TTC21A: variants seen among roughly 807,000 people sequenced by gnomAD.
The protein encoded by TTC21A is tetratricopeptide repeat domain 21A, also known as tetratricopeptide repeat protein 21A.
TTC21A carries 128 observed loss-of-function variants against 156.4 expected under a neutral mutation model. That is an observed-to-expected ratio of 0.82 (90% CI 0.71 to 0.95). The LOEUF (loss-of-function observed/expected upper bound fraction) is 0.95. Ranked by LOEUF, TTC21A falls within the 40% of genes least tolerant of loss-of-function variation. The pLI, the probability that TTC21A is intolerant of heterozygous loss-of-function variation, is 0.00. For missense variants in TTC21A, 1,435 were observed against 1,602.3 expected, an observed-to-expected ratio of 0.90 and a Z score of 1.78; for synonymous variants, 587 against 617.1, an observed-to-expected ratio of 0.95 and a Z score of 0.72.
intron 12 of TTC21A, among the ~76,000 whole-genome samples, chr3:39,127,702 G>A (rs2038383774): frequency 6.6e-6 from 1 of 152,192 alleles, no homozygotes; most frequent in South Asian, 2.1e-4. Context: ...CCCTGAAAGT[G>A]CCAGCCTGTC....
chr3:39,109,885 A>G (rs904522207), intron 2 of TTC21A, 144 bp from the exon 3 acceptor site: 9 of 620,112 alleles, frequency 1.5e-5, no homozygotes, highest in Admixed American at 5.5e-5. Flanking sequence ...AAGAGCCCCA[A>G]TCTTCAGGGA....
chr3:39,128,486 C>T lies in TTC21A; in HGVS notation c.1678C>T (p.Gln560Ter), dbSNP rs751481823. 2.5e-6 allele frequency: 4 copies of T among 1,614,102 alleles called. No individual in the cohort carries two copies. The highest frequency in any genetic ancestry group is 3.4e-6 in the Non-Finnish European group (4 of 1,179,990). ...AGAGCTGGGTGTCAGCCACAACTTC[C>T]AGGTGGGTGCCCTCTCATCCTCTCA... ...CLELGVSHNF[Q>*]VRDHPLYHLI... The change falls in exon 13 of 29, where the codon CAG (glutamine) becomes TAG (stop). Residue 560 changes from glutamine to a stop codon, truncating the protein, a stop_gained and splice_region_variant. Transcript: ENST00000683103. LOFTEE classifies it high-confidence loss of function.
chr3:39,138,454 A>G (rs1164702409), intron 27 of TTC21A, 67 bp downstream of exon 27: 2 of 1,613,332 alleles, frequency 1.2e-6, no homozygotes, highest in African/African-American at 1.3e-5. Context: ...GGCCCCCACC[A>G]TGACCCCAGA....
Position 39,134,848 on chromosome 3 carries a change from A to G in TTC21A, c.2863-245A>G. ...TCTCTACCACTAGTCTTACCTTCCC[A>G]TGTACATCCTCAACCCAACTCTTCT... On this transcript the variant is annotated intron_variant, in intron 21 of 28. Transcript: ENST00000683103. The surrounding 1 kb of genome is among the most constrained non-coding windows in gnomAD (Gnocchi z 4.6). The G allele has an allele frequency of 3.4e-6, 2 of 582,982 alleles. No individual in the cohort carries two copies. Among genetic ancestry groups the G allele is most frequent in the Non-Finnish European group, 6.1e-6 (2 of 326,366 alleles). The allele number at this position is 582,982 out of a possible 1,614,324, so 36.1% of individuals were successfully genotyped here.
rs1405114590 is a variant in TTC21A, at chr3:39,133,207, G to T, written c.2718G>T (p.Lys906Asn). The T allele has an allele frequency of 6.2e-7, 1 of 1,613,920 alleles. No individual in the cohort carries two copies. Among genetic ancestry groups the T allele is most frequent in the Non-Finnish European group, 8.5e-7 (1 of 1,179,900 alleles). ...ATGACAAGGCGGTACAGTCTTATAA[G>T]GATGTCTTCTCCTACTTGCCAACTG... is the stretch of plus-strand genomic sequence containing the variant. The part of the protein sequence containing the change: ...KEYDKAVQSY[K>N]DVFSYLPTDN... Residue 906 changes from lysine to asparagine, a missense_variant, in exon 20 of 29, where the codon AAG (lysine) becomes AAT (asparagine). Transcript: ENST00000683103.
In TTC21A at chr3:39,131,115, A is replaced by C; in HGVS notation, c.2562+20A>C. ...AACAAGGTAATTGACAGGTGGACTCAAGCTCTTTATCTGCCATCTGCTGAT... is the reference window on the plus strand; with the variant it reads ...AACAAGGTAATTGACAGGTGGACTCCAGCTCTTTATCTGCCATCTGCTGAT... On this transcript the variant is annotated intron_variant, in intron 19 of 28. Transcript: ENST00000683103. 1.3e-6 allele frequency: 2 copies of C among 1,588,976 alleles called. No individual in the cohort carries two copies. The highest frequency in any genetic ancestry group is 1.7e-6 in the Non-Finnish European group (2 of 1,168,988).
In TTC21A at chr3:39,130,165, C is replaced by T. The variant is rs2038611912; in HGVS notation, c.2208+14C>T. 17 of 1,613,512 alleles carry T rather than the reference C, an allele frequency of 1.1e-5. No individual in the cohort carries two copies. Among genetic ancestry groups the T allele is most frequent in the Non-Finnish European group, 1.4e-5 (17 of 1,179,730 alleles). On this transcript the variant is annotated intron_variant, in intron 16 of 28. Coordinates refer to ENST00000683103, the MANE Select transcript of TTC21A (RefSeq NM_001366900.1). This position sits in a 1 kb window ranked among gnomAD's most constrained non-coding sequence, Gnocchi z 4.5. ...AGCATTCTGGAGGTAAGTGAGAGGC[C>T]TCACAGCCTTGCCAAGTGGCCCCCC...
At position 39,130,349 on chromosome 3, in the gene TTC21A, G is replaced by A. The variant is rs747607894; in HGVS notation, c.2310G>A (p.Gln770=). The A allele has an allele frequency of 3.1e-6, 5 of 1,612,368 alleles. No individual in the cohort carries two copies. In the South Asian group the frequency reaches 4.4e-5, roughly 14 times the overall value. ...GGCACGCTTATGTGAAGGCCCACCAGTATACTGAGGTCAGGCTGGGCTAGG... is the reference window on the plus strand; with the variant it reads ...GGCACGCTTATGTGAAGGCCCACCAATATACTGAGGTCAGGCTGGGCTAGG... ...RIGHAYVKAH[Q]YTEAIEYYEA... is the part of the protein sequence containing the mutation. Residue 770 remains glutamine (Q), a synonymous_variant, in exon 17 of 29, where the codon CAG becomes CAA. Coordinates refer to ENST00000683103, the MANE Select transcript of TTC21A (RefSeq NM_001366900.1). This position sits in a 1 kb window ranked among gnomAD's most constrained non-coding sequence, Gnocchi z 4.5.
At chr3:39,135,225 C>T (rs367658400) in intron 22 of TTC21A, 51 bp downstream of exon 22, 200 of 1,509,884 alleles carry the variant, frequency 1.3e-4, no homozygotes, top group Admixed American at 1.7e-4. Flanking sequence ...GAGCAAGGGC[C>T]GCTCTCCCAG....
chr3:39,137,911 C>G (rs2039258399), intron 26 of TTC21A: 1 of 640,142 alleles, frequency 1.6e-6, no homozygotes, highest in Non-Finnish European at 2.7e-6. Flanking sequence ...AGGAGGTGCA[C>G]AGGGGTCGTG....
rs2039314352 is a variant in TTC21A, at chr3:39,138,562, A to G, written c.3803A>G (p.Lys1268Arg). The G allele has an allele frequency of 1.9e-6, 3 of 1,614,184 alleles. No homozygotes were observed. The highest frequency in any genetic ancestry group is 1.1e-5 in the South Asian group (1 of 91,082). Reference sequence around the variant, plus strand: ...CTCTCCATGTCCCCGGTAGGCTTCAAACTTGCTTTCAACTACCTGAAGGAC... The same window carrying G: ...CTCTCCATGTCCCCGGTAGGCTTCAGACTTGCTTTCAACTACCTGAAGGAC... ...SHHANPAIGFKLAFNYLKDKK... is the reference protein window; with the variant it reads ...SHHANPAIGFRLAFNYLKDKK... Residue 1268 changes from lysine (K) to arginine (R), a missense_variant, in exon 28 of 29, where the codon AAA becomes AGA. By Grantham distance (26) the Lys-to-Arg change is conservative (BLOSUM62 2). Coordinates refer to ENST00000683103, the MANE Select transcript of TTC21A (RefSeq NM_001366900.1).
chr3:39,108,239 T>C, intron 1 of TTC21A: 1 of 338,524 alleles, frequency 3.0e-6, no homozygotes, highest in East Asian at 5.9e-5. Flanking sequence ...CATCTTCTAA[T>C]CCTGTCTACA....
At chr3:39,138,656 TGTA>T in intron 28 of TTC21A, 33 bp downstream of exon 28, 5 of 1,613,904 alleles carry the variant, frequency 3.1e-6, no homozygotes, top group Non-Finnish European at 4.2e-6. Flanking sequence ...GAGGGCCTGG[TGTA>T]GTGGTGGGGA....
Position 39,130,346 on chromosome 3 carries a change from C to G in TTC21A, c.2307C>G (p.His769Gln), listed in dbSNP as rs758899266. 1.2e-6 allele frequency: 2 copies of G among 1,612,646 alleles called. No homozygotes were observed. Among genetic ancestry groups the G allele is most frequent in the Non-Finnish European group, 1.7e-6 (2 of 1,179,222 alleles). The change falls in exon 17 of 29, where the codon CAC (histidine) becomes CAG (glutamine). Residue 769 changes from histidine (H) to glutamine (Q), a missense_variant. Transcript: ENST00000683103. The surrounding 1 kb of genome is among the most constrained non-coding windows in gnomAD (Gnocchi z 4.5). ...TTGGGCACGCTTATGTGAAGGCCCACCAGTATACTGAGGTCAGGCTGGGCT... is the reference window on the plus strand; with the variant it reads ...TTGGGCACGCTTATGTGAAGGCCCAGCAGTATACTGAGGTCAGGCTGGGCT... ...SRIGHAYVKAHQYTEAIEYYE... is the reference protein window; with the variant it reads ...SRIGHAYVKAQQYTEAIEYYE...
In TTC21A at chr3:39,118,158, G is replaced by C. The variant is rs1425133432; in HGVS notation, c.801+5G>C. 1 of 1,613,876 alleles carries C rather than the reference G, an allele frequency of 6.2e-7. No individual in the cohort carries two copies. Among genetic ancestry groups the C allele is most frequent in the African/African-American group, 1.3e-5 (1 of 74,926 alleles). On this transcript the variant is annotated splice_donor_5th_base_variant and intron_variant, in intron 7 of 28. Coordinates refer to ENST00000683103, the MANE Select transcript of TTC21A (RefSeq NM_001366900.1). ...AGAGAAGGAAACATGACCACAGTAAGTTCTTTGAAGACTCAGAAGGTGATC... is the reference window on the plus strand; with the variant it reads ...AGAGAAGGAAACATGACCACAGTAACTTCTTTGAAGACTCAGAAGGTGATC...
Position 39,128,379 on chromosome 3 carries a change from A to G in TTC21A, c.1571A>G (p.Asp524Gly). The G allele has an allele frequency of 6.2e-7, 1 of 1,614,084 alleles. No homozygotes were observed. The highest frequency in any genetic ancestry group is 1.7e-5 in the Admixed American group (1 of 60,020). ...ATCCTGCAGCGTTGCCTGGAGCTGG[A>G]CCCCGCCTCCGTGGATGCCCATCTC... is the stretch of plus-strand genomic sequence containing the variant. ...QSILQRCLEL[D>G]PASVDAHLLM... The change falls in exon 13 of 29, where the codon GAC (aspartate) becomes GGC (glycine). Residue 524 changes from aspartate (D) to glycine (G), a missense_variant. Transcript: ENST00000683103.
intron 6 of TTC21A, among the ~76,000 whole-genome samples, chr3:39,117,482 G>T (rs747691630): frequency 2.6e-5 from 4 of 152,198 alleles, no homozygotes; most frequent in Non-Finnish European, 4.4e-5. Flanking sequence ...TTGAAACCCA[G>T]GTTCCTTTTC....
intron 9 of TTC21A, 150 bp from the exon 10 acceptor site, chr3:39,124,913 G>A (rs974056795): frequency 3.1e-6 from 2 of 635,862 alleles, no homozygotes; most frequent in African/African-American, 3.6e-5. Context: ...GCATGAGCAT[G>A]TATTTCTCTT....
chr3:39,125,038 C>A, intron 9 of TTC21A, 25 bp from the exon 10 acceptor site: 1 of 1,476,788 alleles, frequency 6.8e-7, no homozygotes, highest in South Asian at 1.1e-5. Flanking sequence ...GTTAGCTGCT[C>A]ATCATTGTTT....
Sources: allele counts gnomAD v4.1 joint callset (sites outside exome capture counted in the v4.1 genomes callset), GRCh38; gene constraint gnomAD v4.1.1; non-coding constraint Gnocchi (gnomAD v3.1); transcripts MANE v1.5; gene names NCBI Gene and HGNC (gene_info 2026-07-23, HGNC 2026-07-21).